Variants in ATP5MJ observed in about 807,000 individuals in gnomAD.
ATP5MJ encodes the protein ATP synthase F(0) complex subunit j, mitochondrial.
ATP5MJ carries 4 observed loss-of-function variants against 8.3 expected under a neutral mutation model. That is an observed-to-expected ratio of 0.48 (90% CI 0.24 to 1.11). ATP5MJ has a LOEUF of 1.11. Among genes scored for constraint, ATP5MJ ranks in the 50% least tolerant of loss-of-function variants. The pLI is 0.18. For synonymous variants in ATP5MJ, 23 were observed against 21.3 expected (o/e 1.08, Z -0.23); for missense variants, 66 against 71.8 (o/e 0.92, Z 0.29).
chr14:103,915,046 T>C lies in ATP5MJ; in HGVS notation c.124+20A>G, dbSNP rs753060541. ...AATTTTCTTCCTGACCTCAGAAAAATCAAACATAAGGAAACGTACCAGCAG... is the reference window on the plus strand; with the variant it reads ...AATTTTCTTCCTGACCTCAGAAAAACCAAACATAAGGAAACGTACCAGCAG... On this transcript the variant is annotated intron_variant, in intron 2 of 3. Transcript: ENST00000286953. 1 of 1,613,140 alleles carries C rather than the reference T, an allele frequency of 6.2e-7. No homozygotes were observed. Among genetic ancestry groups the C allele is most frequent in the South Asian group, 1.1e-5 (1 of 90,832 alleles).
At chr14:103,914,787 T>C in intron 2 of ATP5MJ, 2 of 495,558 alleles carry the variant, frequency 4.0e-6, no homozygotes, top group Non-Finnish European at 6.8e-6. Flanking sequence ...CAGTGAACCA[T>C]GATCGTGCCA....
intron 2 of ATP5MJ, chr14:103,914,784 C>T: frequency 2.0e-6 from 1 of 500,164 alleles, no homozygotes; most frequent in Non-Finnish European, 3.4e-6. Context: ...CTGCAGTGAA[C>T]CATGATCGTG....
chr14:103,921,044 T>C (rs1331851863), intron 1 of ATP5MJ: 32 of 1,551,424 alleles, frequency 2.1e-5, no homozygotes, highest in Non-Finnish European at 2.3e-5. Flanking sequence ...CAAGTTGTCA[T>C]GTACAGCATA....
intron 1 of ATP5MJ, among the ~76,000 whole-genome samples, chr14:103,916,895 G>A (rs112520055): frequency 0.04 from 6,059 of 152,128 alleles, 411 homozygotes; most frequent in African/African-American, 0.14. Flanking sequence ...CCCACACTGC[G>A]CAGCTGTGTG....
chr14:103,919,715 C>CA (rs1365798729), intron 1 of ATP5MJ, among the ~76,000 whole-genome samples: 2 of 152,196 alleles, frequency 1.3e-5, no homozygotes, highest in Non-Finnish European at 2.9e-5. Flanking sequence ...CCCAGTGCAA[C>CA]AGGGGCCTGC....
intron 2 of ATP5MJ, chr14:103,914,637 C>CA (rs753046971): frequency 0.1 from 38,897 of 373,144 alleles, no homozygotes; most frequent in East Asian, 0.13. Flanking sequence ...CCCATCTCTA[C>CA]AAAAAAAAAA....
At chr14:103,915,563 T>C (rs1162166832) in intron 1 of ATP5MJ, among the ~76,000 whole-genome samples, 1 of 152,100 alleles carries the variant, frequency 6.6e-6, no homozygotes, top group Non-Finnish European at 1.5e-5. Flanking sequence ...GCCAGGCTGG[T>C]CTCGAACTCC....
intron 2 of ATP5MJ, chr14:103,914,837 C>CAAAAAAAAAAAAAAAAAAAAAA (rs35916279): frequency 3.3e-4 from 64 of 191,048 alleles, no homozygotes; most frequent in South Asian, 6.7e-4. Context: ...AGACTGTCTC[C>CAAAAAAAAAAAAAAAAAAAAAA]AAAAAAAAAA....
Position 103,912,575 on chromosome 14 carries a change from A to G in ATP5MJ, c.*91T>C. The stretch of plus-strand genomic sequence containing the variant: ...GTAAACGGTACTTATACAAGTGTAC[A>G]GTGACGTTCCACGCTCCCCATCTAA... On this transcript the variant is annotated 3_prime_UTR_variant, in exon 4 of 4. Coordinates refer to ENST00000286953, the MANE Select transcript of ATP5MJ (RefSeq NM_004894.3). The G allele has an allele frequency of 1.5e-6, 2 of 1,292,580 alleles. No homozygotes were observed. The highest frequency in any genetic ancestry group is 2.2e-6 in the Non-Finnish European group (2 of 892,592). 80.1% of individuals were successfully genotyped at this position (1,292,580 alleles called of 1,614,324 possible).
intron 1 of ATP5MJ, chr14:103,920,985 T>G: frequency 6.4e-7 from 1 of 1,551,696 alleles, no homozygotes; most frequent in Non-Finnish European, 8.7e-7. Flanking sequence ...TTCCATACAA[T>G]TTCATTCAGC....
At chr14:103,916,162 T>C (rs1029068580) in intron 1 of ATP5MJ, among the ~76,000 whole-genome samples, 28 of 152,162 alleles carry the variant, frequency 1.8e-4, no homozygotes, top group African/African-American at 6.3e-4. Flanking sequence ...AACTGCCAAT[T>C]AAGATAGAAC....
chr14:103,918,413 G>C (rs886505521), intron 1 of ATP5MJ, among the ~76,000 whole-genome samples: 13 of 151,896 alleles, frequency 8.6e-5, no homozygotes, highest in African/African-American at 2.7e-4. Context: ...CCAGGCTGGA[G>C]TGCAGTGGCG....
chr14:103,914,904 T>A (rs2152107349), intron 2 of ATP5MJ, 162 bp downstream of exon 2: 1 of 794,872 alleles, frequency 1.3e-6, no homozygotes, highest in Middle Eastern at 2.9e-4. Flanking sequence ...AAATGTCTTT[T>A]ATAGCTGACA....
chr14:103,921,276 G>A (rs759650650), intron 1 of ATP5MJ, 194 bp downstream of exon 1: 10 of 440,244 alleles, frequency 2.3e-5, no homozygotes, highest in Non-Finnish European at 4.2e-6. Context: ...ACGCGGCGCA[G>A]GCCTAGGCGA....
intron 2 of ATP5MJ, 198 bp downstream of exon 2, chr14:103,914,861 AAGAAAAG>A (rs1377865880): frequency 5.3e-5 from 27 of 512,282 alleles, no homozygotes; most frequent in Middle Eastern, 5.4e-4. Context: ...AAAAAAAGAA[AAGAAAAG>A]AAAAAAAAAA....
intron 1 of ATP5MJ, among the ~76,000 whole-genome samples, chr14:103,920,490 T>TTTTTTA (rs2087667952): frequency 7.1e-6 from 1 of 141,490 alleles, no homozygotes; most frequent in African/African-American, 2.7e-5. Flanking sequence ...TTTTTTTTTT[T>TTTTTTA]AAGACGGAGT....
chr14:103,912,385 T>G lies in ATP5MJ; in HGVS notation c.*281A>C, dbSNP rs1233688339. ...CCAAGTCCTGTACAACTGAGGTAAT[T>G]ATTTCACAATGATGGGTGGCTCAGT... On this transcript the variant is annotated 3_prime_UTR_variant, in exon 4 of 4. Coordinates refer to ENST00000286953, the MANE Select transcript of ATP5MJ (RefSeq NM_004894.3). 1.4e-5 allele frequency: 6 copies of G among 424,700 alleles called. No homozygotes were observed. Among genetic ancestry groups the G allele is most frequent in the Non-Finnish European group, 2.5e-5 (6 of 236,142 alleles). The allele number at this position is 424,700 out of a possible 1,614,324, so 26.3% of individuals were successfully genotyped here. A position where few individuals can be genotyped will look rare whatever the true frequency, so the allele number is the denominator to read the frequency against.
At chr14:103,914,273 A>G (rs868612066) in intron 2 of ATP5MJ, 2 of 565,854 alleles carry the variant, frequency 3.5e-6, no homozygotes, top group Non-Finnish European at 6.2e-6. Context: ...GCTTAGTAAC[A>G]TGTGATTGGG....
Position 103,912,383 on chromosome 14 carries a change from A to G in ATP5MJ, c.*283T>C, listed in dbSNP as rs1595876660. On this transcript the variant is annotated 3_prime_UTR_variant, in exon 4 of 4. Transcript: ENST00000286953. ...CACCAAGTCCTGTACAACTGAGGTA[A>G]TTATTTCACAATGATGGGTGGCTCA... The G allele has an allele frequency of 7.1e-6, 3 of 422,142 alleles. No homozygotes were observed. The highest frequency in any genetic ancestry group is 5.4e-4 in the Middle Eastern group (1 of 1,842). 26.1% of individuals were successfully genotyped at this position (422,142 alleles called of 1,614,324 possible).
Sources: allele counts gnomAD v4.1 joint callset (sites outside exome capture counted in the v4.1 genomes callset), GRCh38; gene constraint gnomAD v4.1.1; transcripts MANE v1.5; gene names NCBI Gene and HGNC (gene_info 2026-07-23, HGNC 2026-07-21).